Variants in CACNA2D1 observed in about 807,000 individuals in gnomAD.
CACNA2D1 encodes calcium voltage-gated channel auxiliary subunit alpha2delta 1, also known as voltage-dependent calcium channel subunit alpha-2/delta-1.
Under a neutral mutation model 171.5 loss-of-function variants are expected in CACNA2D1, and 53 were observed. That is an observed-to-expected ratio of 0.31 (90% CI 0.25 to 0.39). CACNA2D1 has a LOEUF of 0.39. Ranked by LOEUF, CACNA2D1 falls within the 10% of genes least tolerant of loss-of-function variation. The pLI is 1.00. For missense variants in CACNA2D1, 903 were observed against 1,299.8 expected, an observed-to-expected ratio of 0.69 and a Z score of 4.69; for synonymous variants, 442 against 443.1, an observed-to-expected ratio of 1.00 and a Z score of 0.03.
chr7:82,194,916 A>G lies in CACNA2D1; in HGVS notation c.295-24307T>C, dbSNP rs1285067262. 2.0e-5 allele frequency among the ~76,000 whole-genome samples: 3 copies of G among 152,146 alleles called. No individual in the cohort carries two copies. The East Asian group carries it at 5.8e-4, about 29-fold the overall frequency. On this transcript the variant is annotated intron_variant, in intron 3 of 38. Coordinates refer to ENST00000356860, the MANE Select transcript of CACNA2D1 (RefSeq NM_000722.4). ...CAAGAATGGGGGGCGGGGGAGATAG[A>G]GACAGAGACTGAGATTCCAAGTAGT...
At chr7:82,008,152 A>AT (rs1799336162) in intron 15 of CACNA2D1, among the ~76,000 whole-genome samples, 1 of 152,092 alleles carries the variant, frequency 6.6e-6, no homozygotes, top group Non-Finnish European at 1.5e-5. Context: ...TTAAGTGATT[A>AT]TTTAGCTTCC....
intron 1 of CACNA2D1, among the ~76,000 whole-genome samples, chr7:82,443,126 G>A (rs1481957319): frequency 2.0e-5 from 3 of 152,116 alleles, no homozygotes; most frequent in Non-Finnish European, 4.4e-5. Context: ...GCGCTTCCCG[G>A]GACAGTCGGC....
rs563872894 is a variant in CACNA2D1 at position 81,970,809 on chromosome 7, T to C, written c.2142-72A>G. The C allele has an allele frequency of 1.1e-3, 915 of 859,320 alleles. 10 individuals carry two copies. Among genetic ancestry groups the C allele is most frequent in the South Asian group, 9.4e-3 (714 of 75,990 alleles). The allele number at this position is 859,320 out of a possible 1,614,324, so 53.2% of individuals were successfully genotyped here. A position where few individuals can be genotyped will look rare whatever the true frequency, so the allele number is the denominator to read the frequency against. On this transcript the variant is annotated intron_variant, in intron 26 of 38. Coordinates refer to ENST00000356860, the MANE Select transcript of CACNA2D1 (RefSeq NM_000722.4). ...AAAAAACAAAGTTAGGTGTTGGTGATACAAAGAGAAGTAAGTTTAGGAAGT... is the reference window on the plus strand; with the variant it reads ...AAAAAACAAAGTTAGGTGTTGGTGACACAAAGAGAAGTAAGTTTAGGAAGT...
intron 3 of CACNA2D1, among the ~76,000 whole-genome samples, chr7:82,186,322 A>G (rs1158513091): frequency 2.6e-5 from 4 of 151,570 alleles, no homozygotes; most frequent in African/African-American, 9.7e-5. Flanking sequence ...GAAGGTGGGC[A>G]AGGTTAATTC....
intron 20 of CACNA2D1, 100 bp downstream of exon 20, chr7:81,994,768 A>G: frequency 4.4e-6 from 3 of 675,934 alleles, no homozygotes; most frequent in Non-Finnish European, 5.3e-6. Flanking sequence ...TCCCTGTTTT[A>G]TAAGTAAATA....
At chr7:82,116,398 C>CT (rs143854465) in intron 6 of CACNA2D1, among the ~76,000 whole-genome samples, 2,785 of 152,146 alleles carry the variant, frequency 0.018, 100 homozygotes, top group African/African-American at 0.061. Context: ...TTCCTAAACA[C>CT]TTTTTTTACC....
At chr7:81,962,125 T>C in intron 35 of CACNA2D1, 102 bp from the exon 36 acceptor site, 3 of 1,141,574 alleles carry the variant, frequency 2.6e-6, no homozygotes, top group Non-Finnish European at 1.3e-6. Flanking sequence ...AAAATAAACG[T>C]ATAAGACCAG....
intron 4 of CACNA2D1, among the ~76,000 whole-genome samples, chr7:82,139,643 T>C (rs1175749927): frequency 6.6e-6 from 1 of 152,210 alleles, no homozygotes; most frequent in Non-Finnish European, 1.5e-5. Context: ...TTCTGGATTC[T>C]GGATTGCATA....
chr7:81,974,840 T>C (rs1373000891), intron 24 of CACNA2D1, among the ~76,000 whole-genome samples: 1 of 151,782 alleles, frequency 6.6e-6, no homozygotes, highest in Non-Finnish European at 1.5e-5. Context: ...AGGAGTCTCA[T>C]ATAGCAATTA....
chr7:82,399,852 T>C (rs1188583461), intron 1 of CACNA2D1, among the ~76,000 whole-genome samples: 1 of 152,080 alleles, frequency 6.6e-6, no homozygotes, highest in African/African-American at 2.4e-5. Context: ...TAAACTATAA[T>C]AGGAAATCTT....
At chr7:82,064,175 A>G (rs1807314714) in intron 9 of CACNA2D1, 129 bp downstream of exon 9, 1 of 588,452 alleles carries the variant, frequency 1.7e-6, no homozygotes, top group African/African-American at 1.9e-5. Context: ...GCCTGAATAT[A>G]AAAGTCATCA....
At chr7:82,025,581 T>C (rs979269260) in intron 12 of CACNA2D1, among the ~76,000 whole-genome samples, 1 of 151,656 alleles carries the variant, frequency 6.6e-6, no homozygotes, top group African/African-American at 2.4e-5. Flanking sequence ...TATATTTAGA[T>C]CATGTCATCT....
chr7:81,982,842 C>A, intron 23 of CACNA2D1: 1 of 617,920 alleles, frequency 1.6e-6, no homozygotes, highest in Non-Finnish European at 2.9e-6. Flanking sequence ...TAACATGGAT[C>A]CCCACAGTTA....
intron 3 of CACNA2D1, among the ~76,000 whole-genome samples, chr7:82,194,589 GAA>G (rs1798668993): frequency 6.6e-6 from 1 of 151,688 alleles, no homozygotes. Context: ...GTTTTAATGA[GAA>G]GAGAGGGCAA....
chr7:81,952,967 T>G (rs1792783337), intron 38 of CACNA2D1, among the ~76,000 whole-genome samples: 1 of 152,002 alleles, frequency 6.6e-6, no homozygotes, highest in South Asian at 2.1e-4. Context: ...TAGCATGGCA[T>G]GATCTTGACC....
intron 1 of CACNA2D1, among the ~76,000 whole-genome samples, chr7:82,398,429 CAT>C (rs1169162398): frequency 6.6e-6 from 1 of 152,170 alleles, no homozygotes; most frequent in Non-Finnish European, 1.5e-5. Flanking sequence ...TGAGTAAATA[CAT>C]ATGTGTGTAT....
intron 1 of CACNA2D1, among the ~76,000 whole-genome samples, chr7:82,415,305 G>A (rs1195411440): frequency 6.6e-6 from 1 of 152,086 alleles, no homozygotes; most frequent in Non-Finnish European, 1.5e-5. Flanking sequence ...AGGCCGAGAT[G>A]GGCGGATCAC....
chr7:82,205,360 T>C (rs1799909862), intron 3 of CACNA2D1, among the ~76,000 whole-genome samples: 1 of 152,158 alleles, frequency 6.6e-6, no homozygotes, highest in Non-Finnish European at 1.5e-5. Context: ...GGGGGAATCT[T>C]TTGCTCATTA....
chr7:82,252,294 A>G (rs928198799), intron 3 of CACNA2D1, among the ~76,000 whole-genome samples: 1 of 152,192 alleles, frequency 6.6e-6, no homozygotes, highest in African/African-American at 2.4e-5. Flanking sequence ...TTATGCTTAT[A>G]GCACTCATTT....
Sources: allele counts gnomAD v4.1 joint callset (sites outside exome capture counted in the v4.1 genomes callset), GRCh38; gene constraint gnomAD v4.1.1; transcripts MANE v1.5; gene names NCBI Gene and HGNC (gene_info 2026-07-23, HGNC 2026-07-21).